The following KATNAL2 variants were observed in gnomAD, a reference collection of about 807,000 sequenced individuals.
The protein encoded by KATNAL2 is katanin p60 ATPase-containing subunit A-like 2.
A neutral mutation model predicts 76.3 loss-of-function variants in KATNAL2; 52 were observed. The observed-to-expected ratio is 0.68, with a 90% CI of 0.55 to 0.86. KATNAL2 has a LOEUF of 0.86. Ranked by LOEUF, KATNAL2 falls within the 40% of genes least tolerant of loss-of-function variation. The pLI is 0.00. For synonymous variants in KATNAL2, 243 were observed against 244.2 expected, an observed-to-expected ratio of 1.00 and a Z score of 0.05; for missense variants, 660 against 668.9, an observed-to-expected ratio of 0.99 and a Z score of 0.15.
chr18:46,940,800 A>C (rs560690454), intron 1 of KATNAL2, among the ~76,000 whole-genome samples: 2 of 152,312 alleles, frequency 1.3e-5, no homozygotes, highest in South Asian at 4.1e-4. Context: ...GAGTTGGGAC[A>C]ATCACTTGAG....
chr18:47,050,815 C>T (rs1055769419), intron 4 of KATNAL2, among the ~76,000 whole-genome samples: 16 of 152,132 alleles, frequency 1.1e-4, no homozygotes, highest in African/African-American at 3.1e-4. Flanking sequence ...GAGAGGGTGA[C>T]GTGAGCTGGA....
chr18:47,086,648 C>T (rs961129403), intron 15 of KATNAL2, among the ~76,000 whole-genome samples: 1 of 152,214 alleles, frequency 6.6e-6, no homozygotes, highest in Non-Finnish European at 1.5e-5. Flanking sequence ...TTTGTGCCTA[C>T]TAGTGGTCAA....
rs1302919095 is a variant in KATNAL2, at chr18:47,041,382, G to A, written c.52-5075G>A. On this transcript the variant is annotated intron_variant, in intron 3 of 17. Coordinates refer to ENST00000683218, the MANE Select transcript of KATNAL2 (RefSeq NM_001387690.1). ...CATCCCTTCCTCCCCGCAACCCCTG[G>A]CAATCACTTATCCTTTTACTGTCTC... 2.6e-5 allele frequency among the ~76,000 whole-genome samples: 4 copies of A among 152,124 alleles called. No homozygotes were observed. In the East Asian group the frequency reaches 5.8e-4, roughly 22 times the overall value.
chr18:47,063,479 C>A, intron 10 of KATNAL2, 118 bp downstream of exon 10: 1 of 699,840 alleles, frequency 1.4e-6, no homozygotes, highest in Non-Finnish European at 2.4e-6. Context: ...AAAGTGCCCC[C>A]ACTTGCGCAG....
intron 1 of KATNAL2, among the ~76,000 whole-genome samples, chr18:46,928,730 A>G (rs753350551): frequency 6.6e-6 from 1 of 151,996 alleles, no homozygotes; most frequent in Non-Finnish European, 1.5e-5. Context: ...ATTTTCATCA[A>G]CCCCAGGAAG....
chr18:46,946,139 T>C lies in KATNAL2; in HGVS notation c.-427T>C. 1.2e-6 allele frequency: 1 copy of C among 804,632 alleles called. No homozygotes were observed. The allele number at this position is 804,632 out of a possible 1,614,324, so 49.8% of individuals were successfully genotyped here. On this transcript the variant is annotated 5_prime_UTR_variant, in exon 2 of 18. The change abolishes an upstream ATG in the 5' untranslated region. Transcript: ENST00000683218. The stretch of plus-strand genomic sequence containing the variant: ...GGATGAAGAAGACCGAAGATAATGA[T>C]GAAGGGATAATTTGGAATAGGATTC...
intron 3 of KATNAL2, among the ~76,000 whole-genome samples, chr18:46,957,037 C>CAAAAAAAAA (rs71264809): frequency 9.5e-6 from 1 of 104,898 alleles, no homozygotes; most frequent in Non-Finnish European, 1.9e-5. Flanking sequence ...AACTCCGTCT[C>CAAAAAAAAA]AAAAAAAAAA....
chr18:46,935,692 C>T (rs558084747), intron 1 of KATNAL2, among the ~76,000 whole-genome samples: 179 of 152,128 alleles, frequency 1.2e-3, no homozygotes, highest in Middle Eastern at 3.4e-3. Flanking sequence ...GTGAGGTAGG[C>T]GGATCGCAAA....
chr18:47,071,023 C>T (rs1016305192), intron 13 of KATNAL2, among the ~76,000 whole-genome samples: 4 of 152,126 alleles, frequency 2.6e-5, no homozygotes, highest in African/African-American at 7.2e-5. Flanking sequence ...TTCAACTGCA[C>T]GGGTCTACTT....
chr18:47,054,881 A>T (rs1452407975), intron 6 of KATNAL2, among the ~76,000 whole-genome samples: 1 of 152,232 alleles, frequency 6.6e-6, no homozygotes, highest in Non-Finnish European at 1.5e-5. Context: ...ACCTGTCTGA[A>T]GATCAACAAT....
At chr18:47,092,726 C>T (rs188111342) in intron 15 of KATNAL2, among the ~76,000 whole-genome samples, 1 of 152,290 alleles carries the variant, frequency 6.6e-6, no homozygotes, top group Admixed American at 6.5e-5. Flanking sequence ...ATAGAGGAAA[C>T]CCTGGGGTTC....
At chr18:46,940,461 G>A (rs570626270) in intron 1 of KATNAL2, among the ~76,000 whole-genome samples, 2 of 152,296 alleles carry the variant, frequency 1.3e-5, no homozygotes, top group East Asian at 3.9e-4. Flanking sequence ...AGTTGACAGT[G>A]TTTAAAGAAT....
At chr18:46,953,381 A>G (rs2059625840) in intron 3 of KATNAL2, among the ~76,000 whole-genome samples, 1 of 152,098 alleles carries the variant, frequency 6.6e-6, no homozygotes, top group Admixed American at 6.6e-5. Flanking sequence ...GGCTCACACC[A>G]CTAATGCCAA....
Position 46,929,984 on chromosome 18 carries a change from A to C in KATNAL2, c.-510+12058A>C, listed in dbSNP as rs548606341. Among the ~76,000 whole-genome samples, 81 of 152,226 alleles carry C rather than the reference A, an allele frequency of 5.3e-4. 1 individual carries two copies. The highest frequency in any genetic ancestry group is 1.8e-3 in the African/African-American group (74 of 41,546). The stretch of plus-strand genomic sequence containing the variant: ...GAGACAGTGTTTCACCATGTTGGCC[A>C]GGCTGGTCTCGAACACTTGACATCA... On this transcript the variant is annotated intron_variant, in intron 1 of 17. Transcript: ENST00000683218.
intron 3 of KATNAL2, among the ~76,000 whole-genome samples, chr18:46,965,584 C>A (rs1599506860): frequency 7.0e-5 from 6 of 86,264 alleles, no homozygotes; most frequent in East Asian, 3.3e-4. Flanking sequence ...CATCCCCGCC[C>A]CCCCCCCCCC....
At position 46,968,062 on chromosome 18, in the gene KATNAL2, G is replaced by T. The variant is rs1343024381; in HGVS notation, c.51+21139G>T. ...CCACCTCAGCCCTCTAAGAAGCTGG[G>T]ACCACAGGGGCCGTGCCACCACGCC... On this transcript the variant is annotated intron_variant, in intron 3 of 17. Coordinates refer to ENST00000683218, the MANE Select transcript of KATNAL2 (RefSeq NM_001387690.1). Among the ~76,000 whole-genome samples the T allele has an allele frequency of 5.0e-5, 6 of 118,850 alleles. No individual in the cohort carries two copies. The East Asian group carries it at 9.2e-4, about 18-fold the overall frequency. The allele number at this position is 118,850 out of a possible 152,430, so 78.0% of individuals were successfully genotyped here.
chr18:47,033,772 C>T lies in KATNAL2; in HGVS notation c.52-12685C>T, dbSNP rs138369139. 2.7e-5 allele frequency: 44 copies of T among 1,614,012 alleles called. No individual in the cohort carries two copies. The African/African-American group carries it at 3.5e-4, about 13-fold the overall frequency. ...GCGTCCAGGGAAAGCAGCTTCCTCC[C>T]GGAACTTTGGTGAAGAGAGTGCTTC... On this transcript the variant is annotated intron_variant, in intron 3 of 17. Transcript: ENST00000683218.
At chr18:47,057,105 T>C (rs908304406) in intron 6 of KATNAL2, among the ~76,000 whole-genome samples, 28 of 152,168 alleles carry the variant, frequency 1.8e-4, no homozygotes, top group Admixed American at 1.2e-3. Flanking sequence ...TATCGACATG[T>C]GTGGTCTTGC....
In KATNAL2 at chr18:47,034,498, G is replaced by GA. The variant is rs768701302; in HGVS notation, c.52-11959_52-11958insA. 6.2e-6 allele frequency: 10 copies of GA among 1,614,064 alleles called. No individual in the cohort carries two copies. In the South Asian group the frequency reaches 9.9e-5, roughly 16 times the overall value. On this transcript the variant is annotated intron_variant, in intron 3 of 17. Transcript: ENST00000683218. The stretch of plus-strand genomic sequence containing the variant: ...CCTTGGGGTTTCCTCTCTTAAGCAG[G>GA]CCCCGCATGATTTCTCCCTGATCAA...
Sources: allele counts gnomAD v4.1 joint callset (sites outside exome capture counted in the v4.1 genomes callset), GRCh38; gene constraint gnomAD v4.1.1; transcripts MANE v1.5; gene names NCBI Gene and HGNC (gene_info 2026-07-23, HGNC 2026-07-21).